Variants in TRMT11 observed in about 807,000 individuals in gnomAD.
TRMT11 encodes the protein tRNA methyltransferase 11, also known as tRNA (guanine(10)-N(2))-methyltransferase TRMT11.
A neutral mutation model predicts 62.8 loss-of-function variants in TRMT11; 53 were observed. The observed-to-expected ratio is 0.84, with a 90% CI of 0.68 to 1.06. The LOEUF (loss-of-function observed/expected upper bound fraction) is 1.06, where lower values mean the gene tolerates loss of function less well. TRMT11 is among the 50% of genes least tolerant of loss of function. The probability of loss-of-function intolerance (pLI) is 0.00; values close to 1 mark genes in which losing one functional copy is unlikely to be tolerated. For synonymous variants in TRMT11, 188 were observed against 190.3 expected (o/e 0.99, Z 0.10); for missense variants, 556 against 553.4 (o/e 1.00, Z -0.05).
the TRMT11 span, among the ~76,000 whole-genome samples, chr6:126,252,780 C>A: frequency 6.6e-6 from 1 of 152,196 alleles, no homozygotes; most frequent in Non-Finnish European, 1.5e-5. Context: ...AGATGACTCT[C>A]TTTAGGATTT....
chr6:126,117,308 C>T (rs1583879899), intron 21 of TRMT11, among the ~76,000 whole-genome samples: 1 of 152,160 alleles, frequency 6.6e-6, no homozygotes, highest in East Asian at 1.9e-4. Context: ...AATCTGGATA[C>T]TGAGCAACAC....
At chr6:126,261,738 G>A in the TRMT11 span, among the ~76,000 whole-genome samples, 1 of 152,164 alleles carries the variant, frequency 6.6e-6, no homozygotes, top group Non-Finnish European at 1.5e-5. Flanking sequence ...ACTGGTCTAG[G>A]CTGCATGAGT....
At chr6:126,048,417 C>T (rs532055345) in intron 16 of TRMT11, among the ~76,000 whole-genome samples, 3 of 152,268 alleles carry the variant, frequency 2.0e-5, no homozygotes, top group East Asian at 1.9e-4. Context: ...TTTGATCCAC[C>T]ACTTGGAAAA....
intron 1 of TRMT11, among the ~76,000 whole-genome samples, chr6:126,178,428 T>C (rs1778415953): frequency 6.6e-6 from 1 of 152,178 alleles, no homozygotes; most frequent in South Asian, 2.1e-4. Flanking sequence ...TTTTGTCCCC[T>C]CCAAAGTGAC....
the TRMT11 span, among the ~76,000 whole-genome samples, chr6:126,245,860 G>A: frequency 1.3e-5 from 2 of 152,112 alleles, no homozygotes. Context: ...CTCTTTGGGA[G>A]GCCAAGGTGG....
chr6:126,097,359 A>G (rs539270763), intron 17 of TRMT11, among the ~76,000 whole-genome samples: 1 of 152,306 alleles, frequency 6.6e-6, no homozygotes, highest in Admixed American at 6.5e-5. Flanking sequence ...TTTTACATCA[A>G]GAAGACCATA....
chr6:126,211,008 A>G, the TRMT11 span, among the ~76,000 whole-genome samples: 1 of 141,612 alleles, frequency 7.1e-6, no homozygotes, highest in South Asian at 2.2e-4. Flanking sequence ...GGTAGCTAAG[A>G]TTTCTCATTA....
chr6:126,240,665 C>T, the TRMT11 span, among the ~76,000 whole-genome samples: 2 of 152,222 alleles, frequency 1.3e-5, no homozygotes, highest in Admixed American at 6.5e-5. Context: ...CAGGGACCCA[C>T]TTGAGGAGGC....
At position 126,106,977 on chromosome 6, in the gene TRMT11, A is replaced by G. The variant is rs567904161; in HGVS notation, c.*1438-5889A>G. 2.6e-3 allele frequency among the ~76,000 whole-genome samples: 387 copies of G among 150,568 alleles called. 1 individual carries two copies. The highest frequency in any genetic ancestry group is 4.5e-3 in the Non-Finnish European group (302 of 67,754). On this transcript the variant is annotated intron_variant and NMD_transcript_variant, in intron 17 of 22. Transcript: ENST00000648977. ...AAAAATCAGACTCTGTGGGGACACT[A>G]TGATTATTGTCCTATATACAATTTA...
downstream of TRMT11, among the ~76,000 whole-genome samples, chr6:126,204,330 C>T (rs1778769789): frequency 6.6e-6 from 1 of 152,166 alleles, no homozygotes; most frequent in Admixed American, 6.5e-5. Context: ...AGTGGCAAGG[C>T]CCCCATCTGT....
chr6:126,142,165 C>T (rs1227145721), intron 21 of TRMT11, among the ~76,000 whole-genome samples: 1 of 152,050 alleles, frequency 6.6e-6, no homozygotes, highest in Non-Finnish European at 1.5e-5. Context: ...CCTAACTCTT[C>T]ATCCCTGGAG....
At chr6:126,080,646 C>G (rs943295488) in intron 17 of TRMT11, among the ~76,000 whole-genome samples, 4 of 152,034 alleles carry the variant, frequency 2.6e-5, no homozygotes, top group Non-Finnish European at 5.9e-5. Flanking sequence ...AAGGAAATGC[C>G]CAGATATTTC....
At chr6:125,994,223 T>C (rs987456286) in intron 2 of TRMT11, among the ~76,000 whole-genome samples, 7 of 152,196 alleles carry the variant, frequency 4.6e-5, no homozygotes, top group Admixed American at 4.6e-4. Flanking sequence ...TAAAACTATA[T>C]CAGTGTTTGA....
intron 1 of TRMT11, among the ~76,000 whole-genome samples, chr6:126,185,382 G>C (rs1384538795): frequency 6.6e-6 from 1 of 152,138 alleles, no homozygotes; most frequent in Non-Finnish European, 1.5e-5. Flanking sequence ...GGTGAGCAAT[G>C]ACCTGGTTAG....
the TRMT11 span, among the ~76,000 whole-genome samples, chr6:126,269,258 C>A: frequency 1.8e-5 from 2 of 112,668 alleles, no homozygotes; most frequent in Non-Finnish European, 3.3e-5. Flanking sequence ...AGCGAGACTC[C>A]GTCTCAAAAA....
intron 17 of TRMT11, among the ~76,000 whole-genome samples, chr6:126,093,072 CACATT>C (rs1249584895): frequency 7.2e-5 from 11 of 152,074 alleles, no homozygotes; most frequent in African/African-American, 2.7e-4. Context: ...AAATATTTCT[CACATT>C]ACTTACATAA....
downstream of TRMT11, among the ~76,000 whole-genome samples, chr6:126,041,639 C>G (rs1027364346): frequency 6.6e-6 from 1 of 152,050 alleles, no homozygotes; most frequent in African/African-American, 2.4e-5. Context: ...TGAAAAAGCA[C>G]AGTGGAACTA....
At chr6:126,105,946 T>C (rs1327969775) in intron 17 of TRMT11, among the ~76,000 whole-genome samples, 1 of 151,922 alleles carries the variant, frequency 6.6e-6, no homozygotes, top group Admixed American at 6.6e-5. Flanking sequence ...TATGGAAAAA[T>C]CCAAAGTCGG....
intron 12 of TRMT11, among the ~76,000 whole-genome samples, chr6:126,029,870 A>G (rs1773872385): frequency 3.3e-5 from 5 of 152,162 alleles, no homozygotes; most frequent in Admixed American, 2.6e-4. Context: ...CATGATAAGG[A>G]CTAATATCCC....
Sources: allele counts gnomAD v4.1 joint callset (sites outside exome capture counted in the v4.1 genomes callset), GRCh38; gene constraint gnomAD v4.1.1; transcripts MANE v1.5; gene names NCBI Gene and HGNC (gene_info 2026-07-23, HGNC 2026-07-21).